The following GALK2 variants were observed in gnomAD, a reference collection of about 807,000 sequenced individuals.
The protein encoded by GALK2 is N-acetylgalactosamine kinase.
A neutral mutation model predicts 52.4 loss-of-function variants in GALK2; 36 were observed. The ratio of observed to expected loss-of-function variants is 0.69; its 90% CI spans 0.53 to 0.91. The LOEUF is 0.91. Ranked by LOEUF, GALK2 falls within the 40% of genes least tolerant of loss-of-function variation. The pLI is 0.00. For synonymous variants in GALK2, 176 were observed against 199.1 expected, an observed-to-expected ratio of 0.88 and a Z score of 0.98; for missense variants, 579 against 559.1, an observed-to-expected ratio of 1.04 and a Z score of -0.36.
In GALK2 at chr15:49,328,486, G is replaced by C; in HGVS notation, c.*327G>C. The C allele has an allele frequency of 6.4e-7, 1 of 1,562,330 alleles. No individual in the cohort carries two copies. ...AATACTGATTACATGGATTGGACTT[G>C]AATTAAATATATTGTTACAATTAAA... is the stretch of plus-strand genomic sequence containing the variant. On this transcript the variant is annotated 3_prime_UTR_variant, in exon 10 of 10. Coordinates refer to ENST00000560031, the MANE Select transcript of GALK2 (RefSeq NM_002044.4).
upstream of GALK2, among the ~76,000 whole-genome samples, chr15:49,165,308 A>G (rs1177072163): frequency 2.0e-5 from 3 of 152,262 alleles, no homozygotes; most frequent in Non-Finnish European, 2.9e-5. Context: ...AAATCTTCAT[A>G]ATAACCCTAT....
At chr15:49,332,828 T>C (rs2039039503), downstream of GALK2, among the ~76,000 whole-genome samples, 1 of 152,204 alleles carries the variant, frequency 6.6e-6, no homozygotes, top group Non-Finnish European at 1.5e-5. Flanking sequence ...GTTAGACTAG[T>C]GCACCCCTGA....
At chr15:49,245,161 A>T (rs991667587) in intron 5 of GALK2, among the ~76,000 whole-genome samples, 2 of 152,198 alleles carry the variant, frequency 1.3e-5, no homozygotes, top group South Asian at 2.1e-4. Flanking sequence ...GGAAAGGTGG[A>T]TGTAAGAGAG....
intron 3 of GALK2, among the ~76,000 whole-genome samples, chr15:49,363,600 T>C (rs1186880393): frequency 6.6e-6 from 1 of 152,186 alleles, no homozygotes; most frequent in African/African-American, 2.4e-5. Context: ...CTGTTCTTAT[T>C]TGAATGCCTT....
intron 8 of GALK2, among the ~76,000 whole-genome samples, chr15:49,308,725 C>T (rs1420848697): frequency 1.3e-5 from 2 of 152,178 alleles, no homozygotes; most frequent in African/African-American, 4.8e-5. Context: ...GCCTGGGAAC[C>T]ACCCTTCAAG....
In GALK2 at chr15:49,328,584, T is replaced by G. The variant is rs750239325; in HGVS notation, c.*425T>G. Reference sequence around the variant, plus strand: ...TGGTTTCTCTTAGTATTCTTCTTCCTCAAAGTTGTAGTTGTCTGTTGATGA... The same window carrying G: ...TGGTTTCTCTTAGTATTCTTCTTCCGCAAAGTTGTAGTTGTCTGTTGATGA... On this transcript the variant is annotated 3_prime_UTR_variant, in exon 10 of 10. Coordinates refer to ENST00000560031, the MANE Select transcript of GALK2 (RefSeq NM_002044.4). The G allele has an allele frequency of 6.2e-7, 1 of 1,600,162 alleles. No homozygotes were observed. The highest frequency in any genetic ancestry group is 8.5e-7 in the Non-Finnish European group (1 of 1,170,870).
At chr15:49,323,829 ATGAAGGAAAC>A (rs1733315532) in intron 9 of GALK2, among the ~76,000 whole-genome samples, 1 of 152,210 alleles carries the variant, frequency 6.6e-6, no homozygotes, top group African/African-American at 2.4e-5. Flanking sequence ...AGCAGGGAGG[ATGAAGGAAAC>A]TATACTTACA....
chr15:49,356,068 C>A (rs2043110982), intron 3 of GALK2, among the ~76,000 whole-genome samples: 1 of 145,870 alleles, frequency 6.9e-6, no homozygotes, highest in African/African-American at 2.7e-5. Context: ...ACAGGCCTGC[C>A]TTACAAGAGC....
intron 9 of GALK2, among the ~76,000 whole-genome samples, chr15:49,321,992 G>C (rs897910131): frequency 6.6e-6 from 1 of 152,200 alleles, no homozygotes; most frequent in Non-Finnish European, 1.5e-5. Flanking sequence ...TTTTCATTCT[G>C]AGCTCTGTGA....
At chr15:49,323,327 CCA>C (rs1219319339) in intron 9 of GALK2, among the ~76,000 whole-genome samples, 4 of 152,082 alleles carry the variant, frequency 2.6e-5, no homozygotes, top group Non-Finnish European at 5.9e-5. Context: ...AATTACCCTG[CCA>C]CCATTAAAAA....
rs10677248 is a variant in GALK2 at position 49,294,140 on chromosome 15, C to CAAATAAATAAATAAAT, written c.967+1634_967+1649dup. Among the ~76,000 whole-genome samples, 316 of 139,884 alleles carry CAAATAAATAAATAAAT rather than the reference C, an allele frequency of 2.3e-3. 2 individuals are homozygous for CAAATAAATAAATAAAT. Among genetic ancestry groups the CAAATAAATAAATAAAT allele is most frequent in the Admixed American group, 5.1e-3 (70 of 13,774 alleles). 91.8% of individuals were successfully genotyped at this position (139,884 alleles called of 152,430 possible). ...TAAATAAATAAATAAGACCCTGTCT[C>CAAATAAATAAATAAAT]AAATAAATAAATAAATAAATAAATA... On this transcript the variant is annotated intron_variant, in intron 8 of 9. Transcript: ENST00000560031.
At chr15:49,349,665 G>T (rs551532296) in intron 3 of GALK2, among the ~76,000 whole-genome samples, 2 of 152,248 alleles carry the variant, frequency 1.3e-5, no homozygotes, top group African/African-American at 4.8e-5. Flanking sequence ...TCACTGATCA[G>T]AAATATTCTA....
At chr15:49,216,920 C>G (rs1427330180) in intron 2 of GALK2, among the ~76,000 whole-genome samples, 1 of 152,128 alleles carries the variant, frequency 6.6e-6, no homozygotes, top group Non-Finnish European at 1.5e-5. Flanking sequence ...TCCTCTATCC[C>G]TGATGTTATG....
chr15:49,275,750 T>C (rs1485994733), intron 5 of GALK2, among the ~76,000 whole-genome samples: 1 of 152,206 alleles, frequency 6.6e-6, no homozygotes, highest in Non-Finnish European at 1.5e-5. Context: ...GATATCCAGG[T>C]TTAGCGAGGC....
Position 49,282,481 on chromosome 15 carries a change from AGT to A in GALK2, c.603+397_603+398del, listed in dbSNP as rs2032842900. ...CTTGTTGGTTTTAAACCCAAATCAT[AGT>A]TCTCTTACCACATATATTCACAGTC... On this transcript the variant is annotated intron_variant, in intron 6 of 9. Coordinates refer to ENST00000560031, the MANE Select transcript of GALK2 (RefSeq NM_002044.4). Among the ~76,000 whole-genome samples the A allele has an allele frequency of 3.3e-5, 5 of 152,268 alleles. No homozygotes were observed. The South Asian group carries it at 1.0e-3, about 32-fold the overall frequency.
At chr15:49,201,751 A>G (rs1005983517) in intron 2 of GALK2, among the ~76,000 whole-genome samples, 4 of 152,196 alleles carry the variant, frequency 2.6e-5, no homozygotes, top group Admixed American at 6.5e-5. Context: ...CATTTTGTTT[A>G]CTATCATTTT....
At chr15:49,274,916 T>A (rs571816706) in intron 5 of GALK2, among the ~76,000 whole-genome samples, 46 of 152,284 alleles carry the variant, frequency 3.0e-4, no homozygotes, top group African/African-American at 1.1e-3. Flanking sequence ...GTGATAACAG[T>A]GCCTTCTTCT....
rs201621304 is a variant in GALK2, at chr15:49,217,164, T to C, written c.143-26T>C. 2.1e-3 allele frequency: 3,388 copies of C among 1,594,436 alleles called. 6 individuals are homozygous for C. Among genetic ancestry groups the C allele is most frequent in the Non-Finnish European group, 2.6e-3 (2,989 of 1,166,778 alleles). On this transcript the variant is annotated intron_variant, in intron 2 of 9. Coordinates refer to ENST00000560031, the MANE Select transcript of GALK2 (RefSeq NM_002044.4). The stretch of plus-strand genomic sequence containing the variant: ...CTTTTGTTTTATATATTAGCAATGA[T>C]TAAAAAAGCTTTCTCTTTTTTCTAG...
chr15:49,266,460 G>T (rs1288670429), intron 5 of GALK2, among the ~76,000 whole-genome samples: 2 of 152,158 alleles, frequency 1.3e-5, no homozygotes, highest in Admixed American at 1.3e-4. Flanking sequence ...AAACCTAAGT[G>T]TCGTTAAGAC....
Sources: allele counts gnomAD v4.1 joint callset (sites outside exome capture counted in the v4.1 genomes callset), GRCh38; gene constraint gnomAD v4.1.1; transcripts MANE v1.5; gene names NCBI Gene and HGNC (gene_info 2026-07-23, HGNC 2026-07-21).